CNTN4: variants seen among roughly 807,000 people sequenced by gnomAD.
The protein encoded by CNTN4 is contactin 4, also known as contactin-4.
CNTN4 carries 77 observed loss-of-function variants against 122.5 expected under a neutral mutation model. That is an observed-to-expected ratio of 0.63 (90% CI 0.52 to 0.76). CNTN4 has a LOEUF of 0.76. Among genes scored for constraint, CNTN4 ranks in the 30% least tolerant of loss-of-function variants. The probability of loss-of-function intolerance (pLI) is 0.00; values close to 1 mark genes in which losing one functional copy is unlikely to be tolerated. For synonymous variants in CNTN4, 512 were observed against 447.0 expected (o/e 1.15, Z -1.83); for missense variants, 1,256 against 1,259.1 (o/e 1.00, Z 0.04).
At chr3:2,789,225 G>A (rs2091931757) in intron 6 of CNTN4, among the ~76,000 whole-genome samples, 1 of 152,190 alleles carries the variant, frequency 6.6e-6, no homozygotes, top group Admixed American at 6.5e-5. Context: ...TTACCTGTGT[G>A]TCTCTGGGAA....
At chr3:2,238,125 G>C (rs1480330842) in intron 2 of CNTN4, among the ~76,000 whole-genome samples, 3 of 151,864 alleles carry the variant, frequency 2.0e-5, no homozygotes, top group African/African-American at 7.3e-5. Flanking sequence ...TAAATTTGCA[G>C]GCTATGAACA....
At chr3:2,546,078 A>G (rs2078233372) in intron 3 of CNTN4, among the ~76,000 whole-genome samples, 1 of 152,146 alleles carries the variant, frequency 6.6e-6, no homozygotes, top group African/African-American at 2.4e-5. Context: ...GGGAATGTAA[A>G]GTAGTTCAGC....
At chr3:2,867,994 G>A (rs1249468570) in intron 8 of CNTN4, among the ~76,000 whole-genome samples, 2 of 152,146 alleles carry the variant, frequency 1.3e-5, no homozygotes, top group South Asian at 2.1e-4. Flanking sequence ...AACAAGGGCT[G>A]ATATCATGAT....
chr3:2,896,549 A>C (rs1284870794), intron 10 of CNTN4, among the ~76,000 whole-genome samples: 8 of 152,166 alleles, frequency 5.3e-5, no homozygotes, highest in Non-Finnish European at 1.0e-4. Flanking sequence ...ACTTCTGCCA[A>C]CTGGAAGTCA....
At chr3:2,666,436 T>C (rs889392054) in intron 4 of CNTN4, among the ~76,000 whole-genome samples, 2 of 152,160 alleles carry the variant, frequency 1.3e-5, no homozygotes, top group Non-Finnish European at 2.9e-5. Flanking sequence ...AAAAAACATT[T>C]TCCTTTCTAG....
intron 10 of CNTN4, among the ~76,000 whole-genome samples, chr3:2,893,861 C>T (rs1028734313): frequency 6.6e-6 from 1 of 152,056 alleles, no homozygotes; most frequent in South Asian, 2.1e-4. Flanking sequence ...AGCAGGAGGG[C>T]TCAAACTGTT....
At chr3:2,682,506 C>T (rs1235460865) in intron 4 of CNTN4, among the ~76,000 whole-genome samples, 3 of 152,124 alleles carry the variant, frequency 2.0e-5, no homozygotes, top group African/African-American at 2.4e-5. Context: ...AGGTAATCCA[C>T]GTGCATTTAG....
At chr3:2,985,252 T>G (rs978495411) in intron 13 of CNTN4, 16 of 152,466 alleles carry the variant, frequency 1.0e-4, no homozygotes, top group African/African-American at 3.6e-4. Flanking sequence ...GATCTTCTAG[T>G]AAATGTTTAG....
Position 3,034,727 on chromosome 3 carries a change from A to G in CNTN4, c.1879A>G (p.Ile627Val). ...ACCCGGGCCTGACAACCACAGCCCC[A>G]TCACCATGTATGTCATTCAAGCCAG... is the stretch of plus-strand genomic sequence containing the variant. Reference protein sequence around the residue: ...WRPGPDNHSPITMYVIQARTP... With the variant: ...WRPGPDNHSPVTMYVIQARTP... Residue 627 changes from isoleucine (I) to valine (V), a missense_variant, in exon 17 of 25, where the codon ATC (isoleucine) becomes GTC (valine). By Grantham distance (29) the Ile-to-Val change is conservative. Coordinates refer to ENST00000418658, the MANE Select transcript of CNTN4 (RefSeq NM_175607.3). 6.2e-7 allele frequency: 1 copy of G among 1,614,062 alleles called. No homozygotes were observed. Among genetic ancestry groups the G allele is most frequent in the African/African-American group, 1.3e-5 (1 of 75,004 alleles).
intron 13 of CNTN4, among the ~76,000 whole-genome samples, chr3:2,948,254 A>G (rs1299290776): frequency 1.3e-5 from 2 of 152,198 alleles, no homozygotes; most frequent in African/African-American, 4.8e-5. Flanking sequence ...TGGCCCCATT[A>G]AACTATAGAC....
At chr3:2,478,161 A>T (rs1026671999) in intron 3 of CNTN4, among the ~76,000 whole-genome samples, 2 of 152,198 alleles carry the variant, frequency 1.3e-5, no homozygotes, top group African/African-American at 4.8e-5. Flanking sequence ...TTCATTTTAA[A>T]GAAGGAAAAT....
intron 12 of CNTN4, among the ~76,000 whole-genome samples, chr3:2,925,060 A>G (rs930838240): frequency 1.3e-5 from 2 of 152,226 alleles, no homozygotes; most frequent in Non-Finnish European, 2.9e-5. Context: ...GTCCCTCAAC[A>G]GGGAGATGAG....
intron 23 of CNTN4, among the ~76,000 whole-genome samples, chr3:3,051,682 A>T (rs6776572): frequency 6.6e-6 from 1 of 151,978 alleles, no homozygotes; most frequent in Admixed American, 6.5e-5. Context: ...AGAAGGGGAC[A>T]CTTATGAATC....
intron 3 of CNTN4, among the ~76,000 whole-genome samples, chr3:2,484,715 G>A (rs1011307555): frequency 1.3e-5 from 2 of 152,196 alleles, no homozygotes; most frequent in African/African-American, 2.4e-5. Flanking sequence ...GTATTTTTCT[G>A]TGTATCCTGA....
chr3:2,964,415 G>A (rs1394653429), intron 13 of CNTN4, among the ~76,000 whole-genome samples: 4 of 152,178 alleles, frequency 2.6e-5, no homozygotes, highest in African/African-American at 9.7e-5. Flanking sequence ...TAGTAACTCT[G>A]TCAACTCTTC....
chr3:2,266,229 G>C (rs1196317003), intron 2 of CNTN4, among the ~76,000 whole-genome samples: 1 of 151,962 alleles, frequency 6.6e-6, no homozygotes, highest in African/African-American at 2.4e-5. Context: ...TCACGTTGAG[G>C]AATGTTCCTT....
At position 2,338,266 on chromosome 3, in the gene CNTN4, AGAG is replaced by A. The variant is rs1175415551; in HGVS notation, c.-144-911_-144-909del. Among the ~76,000 whole-genome samples the A allele has an allele frequency of 1.1e-3, 166 of 152,192 alleles. 1 individual carries two copies. The highest frequency in any genetic ancestry group is 3.8e-3 in the African/African-American group (158 of 41,552). ...GTAAAGGTAGTTAGGTATTTAATAT[AGAG>A]ATGAATTATTTTGCAATTCAGCCAG... On this transcript the variant is annotated intron_variant, in intron 2 of 24. Transcript: ENST00000418658.
intron 2 of CNTN4, among the ~76,000 whole-genome samples, chr3:2,138,562 T>C (rs939223172): frequency 2.0e-5 from 3 of 152,182 alleles, no homozygotes; most frequent in Non-Finnish European, 4.4e-5. Context: ...GTAAAGCAGA[T>C]TGTGAGTGGT....
At chr3:2,855,734 G>T (rs2093611334) in intron 7 of CNTN4, among the ~76,000 whole-genome samples, 1 of 152,168 alleles carries the variant, frequency 6.6e-6, no homozygotes, top group South Asian at 2.1e-4. Context: ...GTCACATCAG[G>T]TGGACTAACT....
Sources: gnomAD v4.1 joint callset for allele counts (sites outside exome capture counted in the v4.1 genomes callset) on GRCh38, gnomAD v4.1.1 for gene constraint, MANE v1.5 for transcripts, NCBI Gene and HGNC (gene_info 2026-07-23, HGNC 2026-07-21) for gene names.